Variants in ZNG1C observed in about 807,000 individuals in gnomAD.
ZNG1C encodes the protein zinc-regulated GTPase metalloprotein activator 1C.
chr9:68,264,867 AATT>A, the ZNG1C span, among the ~76,000 whole-genome samples: 16 of 81,550 alleles, frequency 2.0e-4, no homozygotes, highest in African/African-American at 7.0e-4. Flanking sequence ...GTATAATAAT[AATT>A]ATTATTATTA....
chr9:68,256,047 A>G, the ZNG1C span, among the ~76,000 whole-genome samples: 1 of 152,242 alleles, frequency 6.6e-6, no homozygotes, highest in African/African-American at 2.4e-5. Context: ...ATCACTGTAA[A>G]CAGCTGACCG....
the ZNG1C span, chr9:68,254,964 G>A: frequency 6.7e-6 from 1 of 150,142 alleles, no homozygotes; most frequent in Non-Finnish European, 1.5e-5. Context: ...TTGCCATTTT[G>A]GAGTGTATTT....
the ZNG1C span, chr9:68,247,734 A>G: frequency 2.7e-5 from 16 of 600,498 alleles, no homozygotes; most frequent in Non-Finnish European, 3.9e-5. Context: ...TACTGTGTAC[A>G]TGGTTTACTA....
chr9:68,276,516 G>T, the ZNG1C span, among the ~76,000 whole-genome samples: 23 of 147,850 alleles, frequency 1.6e-4, no homozygotes, highest in East Asian at 1.4e-3. Context: ...TTCAGCTTTC[G>T]ACATATGGCT....
At chr9:68,281,542 G>C in the ZNG1C span, among the ~76,000 whole-genome samples, 51 of 104,182 alleles carry the variant, frequency 4.9e-4, no homozygotes, top group African/African-American at 1.7e-3. Flanking sequence ...GTACAATACA[G>C]TATTGCTAAC....
the ZNG1C span, among the ~76,000 whole-genome samples, chr9:68,281,061 A>G: frequency 7.4e-6 from 1 of 134,416 alleles, no homozygotes; most frequent in African/African-American, 2.8e-5. Flanking sequence ...TAAGCCCGTC[A>G]GAAAAGCGCA....
At chr9:68,290,712 C>G in the ZNG1C span, among the ~76,000 whole-genome samples, 1 of 139,430 alleles carries the variant, frequency 7.2e-6, no homozygotes, top group Non-Finnish European at 1.5e-5. Flanking sequence ...TTTTAACTGA[C>G]AGTTATGTTT....
At chr9:68,268,325 C>T in the ZNG1C span, among the ~76,000 whole-genome samples, 1 of 152,088 alleles carries the variant, frequency 6.6e-6, no homozygotes, top group Non-Finnish European at 1.5e-5. Flanking sequence ...TTAACAGGTA[C>T]TTTTTGGTTC....
the ZNG1C span, among the ~76,000 whole-genome samples, chr9:68,287,090 C>T: frequency 1.3e-5 from 2 of 152,118 alleles, no homozygotes; most frequent in Non-Finnish European, 2.9e-5. Context: ...CAGCCAGTGT[C>T]TCCATCCATA....
At chr9:68,286,743 GC>G in the ZNG1C span, among the ~76,000 whole-genome samples, 1 of 149,772 alleles carries the variant, frequency 6.7e-6, no homozygotes, top group Non-Finnish European at 1.5e-5. Flanking sequence ...TTGTAATAGG[GC>G]CAAGATAACA....
chr9:68,275,388 A>G, the ZNG1C span, among the ~76,000 whole-genome samples: 1 of 149,750 alleles, frequency 6.7e-6, no homozygotes, highest in African/African-American at 2.4e-5. Context: ...GGTTAGTTAC[A>G]TATGTATACA....
At chr9:68,255,569 T>C in the ZNG1C span, among the ~76,000 whole-genome samples, 2 of 146,696 alleles carry the variant, frequency 1.4e-5, no homozygotes, top group African/African-American at 5.0e-5. Context: ...TAATATACTC[T>C]TACATTTCAA....
the ZNG1C span, among the ~76,000 whole-genome samples, chr9:68,265,025 T>C: frequency 9.6e-6 from 1 of 104,448 alleles, no homozygotes; most frequent in Non-Finnish European, 2.0e-5. Flanking sequence ...CCAGCTAATT[T>C]TTGCATTTTT....
the ZNG1C span, among the ~76,000 whole-genome samples, chr9:68,275,459 A>G: frequency 3.5e-5 from 5 of 144,158 alleles, no homozygotes; most frequent in Admixed American, 7.0e-5. Flanking sequence ...ATATCTCCCA[A>G]TGCTATCCCT....
At chr9:68,268,668 A>G in the ZNG1C span, among the ~76,000 whole-genome samples, 1 of 152,382 alleles carries the variant, frequency 6.6e-6, no homozygotes, top group African/African-American at 2.4e-5. Context: ...TTAACCACAA[A>G]GTAGCCCTTA....
the ZNG1C span, among the ~76,000 whole-genome samples, chr9:68,275,739 G>T: frequency 7.5e-6 from 1 of 134,080 alleles, no homozygotes; most frequent in Non-Finnish European, 1.6e-5. Context: ...TGGACATTTG[G>T]GTTGGTTCCA....
chr9:68,255,963 GT>G, the ZNG1C span, among the ~76,000 whole-genome samples: 1,439 of 151,188 alleles, frequency 9.5e-3, no homozygotes, highest in African/African-American at 0.034. Context: ...AAACTATTAC[GT>G]TTTTGGGAAA....
chr9:68,256,615 T>C, the ZNG1C span, among the ~76,000 whole-genome samples: 3 of 120,158 alleles, frequency 2.5e-5, no homozygotes, highest in Non-Finnish European at 5.1e-5. Flanking sequence ...AATTGTTTGA[T>C]AATATCTGTT....
chr9:68,281,635 C>G, the ZNG1C span, among the ~76,000 whole-genome samples: 1 of 104,020 alleles, frequency 9.6e-6, no homozygotes, highest in South Asian at 3.1e-4. Flanking sequence ...ATAGCAGCTT[C>G]CCATTTCCCT....
Sources: gnomAD v4.1 joint callset for allele counts (sites outside exome capture counted in the v4.1 genomes callset) on GRCh38, gnomAD v4.1.1 for gene constraint, MANE v1.5 for transcripts, NCBI Gene and HGNC (gene_info 2026-07-23, HGNC 2026-07-21) for gene names.